The following SNTG2 variants were observed in gnomAD, a reference collection of about 807,000 sequenced individuals.
SNTG2 encodes the protein gamma-2-syntrophin.
SNTG2 carries 74 observed loss-of-function variants against 70.9 expected under a neutral mutation model. That is an observed-to-expected ratio of 1.04 (90% confidence interval 0.86 to 1.27). The LOEUF is 1.27. Among genes scored for constraint, SNTG2 ranks in the 50% most tolerant of loss-of-function variants. The probability of loss-of-function intolerance (pLI) is 0.00; values close to 1 mark genes in which losing one functional copy is unlikely to be tolerated. For synonymous variants in SNTG2, 278 were observed against 273.8 expected (o/e 1.02, Z -0.15); for missense variants, 717 against 690.7 (o/e 1.04, Z -0.43).
At chr2:1,348,276 C>A (rs1458592966) in intron 16 of SNTG2, among the ~76,000 whole-genome samples, 1 of 152,184 alleles carries the variant, frequency 6.6e-6, no homozygotes, top group Non-Finnish European at 1.5e-5. Context: ...TCCTCCTCAG[C>A]CAGGGATTTC....
At chr2:1,225,623 C>G (rs1302059670) in intron 9 of SNTG2, among the ~76,000 whole-genome samples, 1 of 152,176 alleles carries the variant, frequency 6.6e-6, no homozygotes, top group African/African-American at 2.4e-5. Context: ...TGAGCCAGCG[C>G]TTCTGTCATT....
intron 16 of SNTG2, among the ~76,000 whole-genome samples, chr2:1,342,355 G>A (rs550125251): frequency 4.6e-4 from 41 of 90,052 alleles, no homozygotes; most frequent in South Asian, 2.5e-3. Context: ...GAGTGGACTG[G>A]CACTTTTCCC....
At chr2:1,031,435 A>T (rs950003706) in intron 1 of SNTG2, among the ~76,000 whole-genome samples, 3 of 148,452 alleles carry the variant, frequency 2.0e-5, no homozygotes, top group South Asian at 2.2e-4. Context: ...ATAGTCTCAT[A>T]TGGTTTCTCA....
intron 1 of SNTG2, among the ~76,000 whole-genome samples, chr2:1,031,528 A>ATATATATATATATATATATATTTTT: frequency 4.1e-4 from 24 of 59,106 alleles, no homozygotes; most frequent in Non-Finnish European, 6.6e-4. Flanking sequence ...ATATATATAT[A>ATATATATATATATATATATATTTTT]TTTTTTTTTT....
chr2:956,957 A>G (rs1440630884), intron 1 of SNTG2, among the ~76,000 whole-genome samples: 1 of 152,222 alleles, frequency 6.6e-6, no homozygotes, highest in African/African-American at 2.4e-5. Flanking sequence ...TGGTAAATAT[A>G]ATTCTATTTC....
At chr2:1,266,838 C>T (rs1312132590) in intron 13 of SNTG2, among the ~76,000 whole-genome samples, 1 of 144,740 alleles carries the variant, frequency 6.9e-6, no homozygotes, top group African/African-American at 2.6e-5. Context: ...TCTGTAACCT[C>T]GGGCTTCTGG....
intron 1 of SNTG2, among the ~76,000 whole-genome samples, chr2:1,058,225 A>G (rs1662593242): frequency 6.6e-6 from 1 of 152,136 alleles, no homozygotes; most frequent in African/African-American, 2.4e-5. Context: ...AAAAAAAAAG[A>G]TAATGAATGG....
At chr2:1,175,304 T>A (rs970224481) in intron 8 of SNTG2, among the ~76,000 whole-genome samples, 4 of 152,216 alleles carry the variant, frequency 2.6e-5, no homozygotes, top group Non-Finnish European at 4.4e-5. Context: ...TTGGTCAATA[T>A]CAATGGCAAT....
chr2:982,639 C>T (rs759342630), intron 1 of SNTG2, among the ~76,000 whole-genome samples: 10 of 152,218 alleles, frequency 6.6e-5, no homozygotes, highest in East Asian at 1.9e-4. Flanking sequence ...TTAAAGTCAG[C>T]GTGCATGCAG....
chr2:996,628 C>T (rs1661688657), intron 1 of SNTG2, among the ~76,000 whole-genome samples: 1 of 123,438 alleles, frequency 8.1e-6, no homozygotes, highest in Non-Finnish European at 1.7e-5. Flanking sequence ...TGGTGGAAAC[C>T]AGTTTAGCTT....
chr2:976,603 A>G (rs913365426), intron 1 of SNTG2, among the ~76,000 whole-genome samples: 2 of 152,184 alleles, frequency 1.3e-5, no homozygotes, highest in Admixed American at 1.3e-4. Flanking sequence ...GTGCTCTTCA[A>G]GGTTTGCTTA....
intron 1 of SNTG2, among the ~76,000 whole-genome samples, chr2:1,003,769 C>T (rs745454294): frequency 2.0e-5 from 3 of 152,320 alleles, no homozygotes; most frequent in East Asian, 1.9e-4. Context: ...AAGCATCACT[C>T]GTGTAGCTAC....
At chr2:1,082,385 CCT>C (rs1423929069) in intron 1 of SNTG2, among the ~76,000 whole-genome samples, 1 of 152,150 alleles carries the variant, frequency 6.6e-6, no homozygotes, top group African/African-American at 2.4e-5. Context: ...CCTTGAACCC[CCT>C]GTTTGGTTCT....
intron 6 of SNTG2, among the ~76,000 whole-genome samples, chr2:1,149,708 A>G (rs68086419): frequency 1 from 142,092 of 142,418 alleles, 70,883 homozygotes; most frequent in East Asian, 1. Flanking sequence ...TTTTTTTTCA[A>G]ATGGAATCTG....
chr2:1,164,818 G>A (rs74391964), intron 6 of SNTG2, among the ~76,000 whole-genome samples: 2,014 of 152,158 alleles, frequency 0.013, 45 homozygotes, highest in African/African-American at 0.046. Flanking sequence ...GAGAGGGCGG[G>A]TGGGCTATAC....
intron 4 of SNTG2, among the ~76,000 whole-genome samples, chr2:1,116,199 GCTTT>G (rs149982100): frequency 0.12 from 18,591 of 152,164 alleles, 1,300 homozygotes; most frequent in Admixed American, 0.16. Flanking sequence ...GGGTTTTAGG[GCTTT>G]CTTTCTGAGA....
chr2:1,257,710 C>T (rs755903699), intron 12 of SNTG2, among the ~76,000 whole-genome samples: 3 of 152,132 alleles, frequency 2.0e-5, no homozygotes, highest in Admixed American at 6.5e-5. Context: ...ACGATGACAG[C>T]GGTGAAAACC....
At chr2:1,171,374 T>C (rs28583700) in intron 7 of SNTG2, among the ~76,000 whole-genome samples, 48,355 of 152,118 alleles carry the variant, frequency 0.32, 8,257 homozygotes, top group East Asian at 0.66. Flanking sequence ...CCTTTGTCTA[T>C]AGCATGAACT....
chr2:1,349,385 A>T (rs1191356100), intron 16 of SNTG2, among the ~76,000 whole-genome samples: 1 of 152,250 alleles, frequency 6.6e-6, no homozygotes, highest in Non-Finnish European at 1.5e-5. Context: ...AAGTTAAGAA[A>T]CAATGACTAG....
Sources: allele counts gnomAD v4.1 joint callset (sites outside exome capture counted in the v4.1 genomes callset), GRCh38; gene constraint gnomAD v4.1.1; transcripts MANE v1.5; gene names NCBI Gene and HGNC (gene_info 2026-07-23, HGNC 2026-07-21).